Variants in MAPRE2 observed in about 807,000 individuals in gnomAD.
The protein encoded by MAPRE2 is microtubule associated protein RP/EB family member 2.
Under a neutral mutation model 43.2 loss-of-function variants are expected in MAPRE2, and 13 were observed. The observed-to-expected ratio is 0.30, with a 90% CI of 0.20 to 0.48. The LOEUF is 0.48. Among genes scored for constraint, MAPRE2 ranks in the 20% least tolerant of loss-of-function variants. The probability of loss-of-function intolerance (pLI) is 0.99; values close to 1 mark genes in which losing one functional copy is unlikely to be tolerated. For synonymous variants in MAPRE2, 135 were observed against 148.8 expected (o/e 0.91, Z 0.68); for missense variants, 161 against 400.2 (o/e 0.40, Z 5.10).
At chr18:35,056,047 CT>C (rs1906213322) in intron 1 of MAPRE2, among the ~76,000 whole-genome samples, 1 of 150,630 alleles carries the variant, frequency 6.6e-6, no homozygotes, top group Non-Finnish European at 1.5e-5. Context: ...TATTTTTTAT[CT>C]GTATTTTCTG....
At position 35,042,436 on chromosome 18, in the gene MAPRE2, T is replaced by C. The variant is rs1401856303; in HGVS notation, c.122+775T>C. Among the ~76,000 whole-genome samples the C allele has an allele frequency of 4.6e-5, 7 of 152,364 alleles. No individual in the cohort carries two copies. The East Asian group carries it at 1.3e-3, about 29-fold the overall frequency. ...GGGACTGATCTTGGTCATTGTATTG[T>C]GAGCCTTTTGATTAATGAGTTGGCC... is the stretch of plus-strand genomic sequence containing the variant. On this transcript the variant is annotated intron_variant, in intron 1 of 6. Transcript: ENST00000300249.
intron 1 of MAPRE2, among the ~76,000 whole-genome samples, chr18:35,069,010 A>G (rs1428131121): frequency 6.6e-6 from 1 of 152,200 alleles, no homozygotes; most frequent in African/African-American, 2.4e-5. Context: ...GCTAGATGGC[A>G]TCAAATCCCC....
chr18:35,097,369 C>T, intron 2 of MAPRE2, 77 bp from the exon 3 acceptor site: 1 of 1,348,940 alleles, frequency 7.4e-7, no homozygotes, highest in South Asian at 1.3e-5. Context: ...AAGGACAATC[C>T]CCTTCCAGCC....
chr18:35,102,346 C>T (rs951391418), intron 4 of MAPRE2, among the ~76,000 whole-genome samples, 187 bp downstream of exon 4: 2 of 152,198 alleles, frequency 1.3e-5, no homozygotes, highest in Non-Finnish European at 2.9e-5. Flanking sequence ...ATTAGTCTAA[C>T]CATCTTCATT....
chr18:35,049,244 A>G (rs962806544), intron 1 of MAPRE2, among the ~76,000 whole-genome samples: 1 of 152,154 alleles, frequency 6.6e-6, no homozygotes, highest in African/African-American at 2.4e-5. Context: ...GCCCTCTGTG[A>G]TTCCCTGAGA....
chr18:34,985,002 A>G (rs1455316864), intron 1 of MAPRE2, among the ~76,000 whole-genome samples: 1 of 79,812 alleles, frequency 1.3e-5, no homozygotes, highest in Non-Finnish European at 2.2e-5. Context: ...TAAAATATAT[A>G]ATATATTTTA....
intron 1 of MAPRE2, among the ~76,000 whole-genome samples, chr18:35,067,810 G>A (rs567511221): frequency 1.4e-4 from 22 of 152,174 alleles, no homozygotes; most frequent in African/African-American, 5.3e-4. Flanking sequence ...CCCTTACTAA[G>A]ATTATACATA....
chr18:35,070,384 T>C, intron 2 of MAPRE2, 62 bp downstream of exon 2: 1 of 1,394,480 alleles, frequency 7.2e-7, no homozygotes, highest in Non-Finnish European at 9.6e-7. Context: ...GGAATGTGAT[T>C]TTATGAACCA....
intron 1 of MAPRE2, among the ~76,000 whole-genome samples, chr18:34,982,640 T>C (rs1465175946): frequency 6.6e-6 from 1 of 152,218 alleles, no homozygotes; most frequent in Admixed American, 6.5e-5. Context: ...CAAAATTATA[T>C]TTCTTAAACC....
intron 2 of MAPRE2, among the ~76,000 whole-genome samples, chr18:35,009,188 G>A (rs924669921): frequency 6.6e-6 from 1 of 152,104 alleles, no homozygotes; most frequent in Admixed American, 6.6e-5. Flanking sequence ...TATAATGGGA[G>A]TTTGGGGAGG....
rs1438571382 is a variant in MAPRE2, at chr18:35,142,710, C to G, written c.*2341C>G. On this transcript the variant is annotated 3_prime_UTR_variant, in exon 7 of 7. Coordinates refer to ENST00000300249, the MANE Select transcript of MAPRE2 (RefSeq NM_014268.4). ...TGTTGTGCTGCACCCCAGATGGTGTCTCAGATGCTTTGGGGAATCTTTAAC... is the reference window on the plus strand; with the variant it reads ...TGTTGTGCTGCACCCCAGATGGTGTGTCAGATGCTTTGGGGAATCTTTAAC... 6.6e-6 allele frequency: 1 copy of G among 152,226 alleles called. No homozygotes were observed. Among genetic ancestry groups the G allele is most frequent in the East Asian group, 1.9e-4 (1 of 5,194 alleles). The allele number at this position is 152,226 out of a possible 1,614,324, so 9.4% of individuals were successfully genotyped here.
intron 1 of MAPRE2, among the ~76,000 whole-genome samples, chr18:34,985,323 T>C (rs2097019453): frequency 2.4e-5 from 1 of 41,260 alleles, no homozygotes; most frequent in Non-Finnish European, 4.1e-5. Context: ...ATATTATATA[T>C]ATAATATAAT....
In MAPRE2 at chr18:35,073,860, G is replaced by A. The variant is rs532858406; in HGVS notation, c.250+3538G>A. ...AAAAGCTCTTTAAAGGAAAGATGGCGTGAGAAAGTAGAACACTTGGAAATA... is the reference window on the plus strand; with the variant it reads ...AAAAGCTCTTTAAAGGAAAGATGGCATGAGAAAGTAGAACACTTGGAAATA... On this transcript the variant is annotated intron_variant, in intron 2 of 6. Transcript: ENST00000300249. Among the ~76,000 whole-genome samples the A allele has an allele frequency of 2.6e-5, 4 of 152,276 alleles. No homozygotes were observed. In the South Asian group the frequency reaches 6.2e-4, roughly 24 times the overall value.
intron 5 of MAPRE2, among the ~76,000 whole-genome samples, chr18:35,129,010 T>C (rs1441659979): frequency 3.3e-5 from 5 of 152,022 alleles, no homozygotes; most frequent in Admixed American, 1.3e-4. Context: ...CATGCTACCA[T>C]CCACAATGCC....
At chr18:35,105,135 A>G (rs1454101119) in intron 4 of MAPRE2, among the ~76,000 whole-genome samples, 1 of 152,136 alleles carries the variant, frequency 6.6e-6, no homozygotes, top group Non-Finnish European at 1.5e-5. Flanking sequence ...AACGTGTGCC[A>G]TTTTGATAGA....
chr18:35,041,323 G>A (rs1464232337), upstream of MAPRE2: 7 of 1,425,982 alleles, frequency 4.9e-6, no homozygotes, highest in Non-Finnish European at 6.4e-6. Context: ...GCAACAGGCT[G>A]GCCACGTGAC....
At chr18:35,104,883 C>A (rs1655333870) in intron 4 of MAPRE2, among the ~76,000 whole-genome samples, 1 of 152,050 alleles carries the variant, frequency 6.6e-6, no homozygotes, top group African/African-American at 2.4e-5. Flanking sequence ...ATCTTAATGT[C>A]ATTTTCTAAA....
chr18:35,042,874 G>T (rs567103027), intron 1 of MAPRE2, among the ~76,000 whole-genome samples: 3 of 151,710 alleles, frequency 2.0e-5, no homozygotes, highest in Non-Finnish European at 2.9e-5. Flanking sequence ...GAACCAGAAA[G>T]TACCCTACTT....
At chr18:35,058,944 TTAATAA>T (rs1333950618) in intron 1 of MAPRE2, among the ~76,000 whole-genome samples, 3 of 152,200 alleles carry the variant, frequency 2.0e-5, no homozygotes, top group Non-Finnish European at 4.4e-5. Flanking sequence ...GCTTTGCCAC[TTAATAA>T]TGGTGACTAG....
Sources: allele counts gnomAD v4.1 joint callset (sites outside exome capture counted in the v4.1 genomes callset), GRCh38; gene constraint gnomAD v4.1.1; transcripts MANE v1.5; gene names NCBI Gene and HGNC (gene_info 2026-07-23, HGNC 2026-07-21).